The following ACBD3 variants were observed in gnomAD, a reference collection of about 807,000 sequenced individuals.
ACBD3 encodes the protein Golgi resident protein GCP60.
In ACBD3, 30 loss-of-function variants were observed where a neutral mutation model predicts 66.9. That is an observed-to-expected ratio of 0.45 (90% CI 0.34 to 0.61). ACBD3 has a LOEUF of 0.61. Among genes scored for constraint, ACBD3 ranks in the 20% least tolerant of loss-of-function variants. ACBD3 has a pLI of 0.02. For missense variants in ACBD3, 544 were observed against 664.5 expected, an observed-to-expected ratio of 0.82 and a Z score of 1.99; for synonymous variants, 278 against 259.8, an observed-to-expected ratio of 1.07 and a Z score of -0.68.
chr1:226,167,712 C>A (rs146432621), intron 1 of ACBD3, among the ~76,000 whole-genome samples: 1 of 152,120 alleles, frequency 6.6e-6, no homozygotes, highest in East Asian at 1.9e-4. Context: ...ATGTCTCATT[C>A]ATGTATATAG....
intron 1 of ACBD3, among the ~76,000 whole-genome samples, 173 bp from the exon 2 acceptor site, chr1:226,166,173 T>G (rs950842956): frequency 7.2e-5 from 11 of 152,200 alleles, no homozygotes; most frequent in Non-Finnish European, 1.6e-4. Context: ...TTTTTTATTT[T>G]TAGACAGAGT....
At chr1:226,157,078 C>A (rs1251041876) in intron 5 of ACBD3, among the ~76,000 whole-genome samples, 1 of 152,140 alleles carries the variant, frequency 6.6e-6, no homozygotes, top group Non-Finnish European at 1.5e-5. Flanking sequence ...TGTATCTACA[C>A]CCCAAAATTA....
chr1:226,155,858 A>G (rs1225268749), intron 5 of ACBD3, among the ~76,000 whole-genome samples: 1 of 152,254 alleles, frequency 6.6e-6, no homozygotes, highest in Non-Finnish European at 1.5e-5. Context: ...TTATATAGTT[A>G]TGATTGAAAT....
intron 1 of ACBD3, among the ~76,000 whole-genome samples, chr1:226,177,629 GATC>G (rs1165124054): frequency 6.6e-6 from 1 of 152,090 alleles, no homozygotes; most frequent in East Asian, 1.9e-4. Context: ...AGGGGAGTCA[GATC>G]ATCAGAGGAT....
chr1:226,146,823 T>C lies in ACBD3; in HGVS notation c.1376-2A>G, dbSNP rs1393479430. The C allele has an allele frequency of 6.2e-7, 1 of 1,613,940 alleles. No individual in the cohort carries two copies. Among genetic ancestry groups the C allele is most frequent in the Non-Finnish European group, 8.5e-7 (1 of 1,179,802 alleles). ...CTTTCTCTTCACAACCGATGTTTTC[T>C]GTAAGAACAGAGACAAGTCAATGAA... On this transcript the variant is annotated splice_acceptor_variant, in intron 7 of 7. Transcript: ENST00000366812. LOFTEE classifies it high-confidence loss of function.
At chr1:226,175,744 T>C (rs1293012147) in intron 1 of ACBD3, among the ~76,000 whole-genome samples, 1 of 152,082 alleles carries the variant, frequency 6.6e-6, no homozygotes, top group Non-Finnish European at 1.5e-5. Context: ...GGAGAAGGCC[T>C]AGGAAATGGG....
intron 1 of ACBD3, among the ~76,000 whole-genome samples, chr1:226,184,653 T>C (rs1656252905): frequency 6.6e-6 from 1 of 152,190 alleles, no homozygotes; most frequent in Admixed American, 6.5e-5. Context: ...CAGAGCTTCC[T>C]GACTCTCCAA....
intron 1 of ACBD3, among the ~76,000 whole-genome samples, chr1:226,173,446 G>A (rs1038052871): frequency 1.3e-5 from 2 of 151,370 alleles, no homozygotes; most frequent in Non-Finnish European, 2.9e-5. Context: ...TTTTAAAGTC[G>A]AAGCAATGTA....
At chr1:226,159,042 G>T in intron 5 of ACBD3, 142 bp downstream of exon 5, 2 of 878,764 alleles carry the variant, frequency 2.3e-6, no homozygotes, top group Non-Finnish European at 3.5e-6. Context: ...TCTCAAGTCT[G>T]CCTAAAAGAT....
intron 7 of ACBD3, among the ~76,000 whole-genome samples, chr1:226,148,565 T>C (rs1042749569): frequency 6.6e-6 from 1 of 152,204 alleles, no homozygotes; most frequent in African/African-American, 2.4e-5. Flanking sequence ...TTTAAATCTA[T>C]AAAACTAAAG....
rs1659838906 is a variant in ACBD3 at position 226,164,703 on chromosome 1, A to G, written c.569+86T>C. On this transcript the variant is annotated intron_variant, in intron 3 of 7. Coordinates refer to ENST00000366812, the MANE Select transcript of ACBD3 (RefSeq NM_022735.4). ...CCAAGGAAAGCAAGACACCTGATCT[A>G]GAACTAGAACAGACACTCTACAAAA... 6.5e-6 allele frequency: 9 copies of G among 1,384,364 alleles called. No individual in the cohort carries two copies. In the South Asian group the frequency reaches 1.6e-4, roughly 24 times the overall value. The allele number at this position is 1,384,364 out of a possible 1,614,324, so 85.8% of individuals were successfully genotyped here.
Position 226,186,487 on chromosome 1 carries a change from C to A in ACBD3, c.189G>T (p.Ala63=), listed in dbSNP as rs752296869. ...CCTCCTCCGCCGCGCCCCCAGCCGC[C>A]GCCTCCCCGGGCTCGGGCTGCTCCC... ...ASGEQPEPGE[A]AAGGAAEEAR... Residue 63 remains alanine, a synonymous_variant, in exon 1 of 8, where the codon GCG becomes GCT. Coordinates refer to ENST00000366812, the MANE Select transcript of ACBD3 (RefSeq NM_022735.4). 3 of 1,488,450 alleles carry A rather than the reference C, an allele frequency of 2.0e-6. No homozygotes were observed. In the African/African-American group the frequency reaches 4.4e-5, roughly 22 times the overall value. The allele number at this position is 1,488,450 out of a possible 1,614,324, so 92.2% of individuals were successfully genotyped here. A position where few individuals can be genotyped will look rare whatever the true frequency, so the allele number is the denominator to read the frequency against.
chr1:226,172,560 G>C lies in ACBD3; in HGVS notation c.287-6560C>G, dbSNP rs530696447. Among the ~76,000 whole-genome samples, 389 of 152,082 alleles carry C rather than the reference G, an allele frequency of 2.6e-3. 2 individuals carry two copies. The highest frequency in any genetic ancestry group is 6.8e-3 in the Middle Eastern group (2 of 294). ...GACTCTGAAGAAAATAAAAATAATT[G>C]CTCTATAATCCTTTCTTTAAATCTT... On this transcript the variant is annotated intron_variant, in intron 1 of 7. Transcript: ENST00000366812.
At chr1:226,157,558 G>A (rs955781778) in intron 5 of ACBD3, among the ~76,000 whole-genome samples, 4 of 150,494 alleles carry the variant, frequency 2.7e-5, no homozygotes, top group Non-Finnish European at 4.4e-5. Context: ...TTTTTTCCTC[G>A]AGACAGGGTC....
At chr1:226,149,021 G>T (rs1659510891) in intron 7 of ACBD3, among the ~76,000 whole-genome samples, 1 of 152,098 alleles carries the variant, frequency 6.6e-6, no homozygotes, top group African/African-American at 2.4e-5. Flanking sequence ...TAAGATCAAG[G>T]ATATTAAGGT....
At chr1:226,164,619 A>G (rs1231404958) in intron 3 of ACBD3, among the ~76,000 whole-genome samples, 170 bp downstream of exon 3, 1 of 152,206 alleles carries the variant, frequency 6.6e-6, no homozygotes, top group Non-Finnish European at 1.5e-5. Context: ...CCCAAAACTT[A>G]TAATACAAGT....
chr1:226,148,944 C>T (rs1349110320), intron 7 of ACBD3, among the ~76,000 whole-genome samples: 1 of 152,154 alleles, frequency 6.6e-6, no homozygotes. Context: ...AGCTGCAAAT[C>T]ATTTTATGAT....
At chr1:226,173,757 CTTTTTTTT>C (rs145462202) in intron 1 of ACBD3, among the ~76,000 whole-genome samples, 2 of 88,324 alleles carry the variant, frequency 2.3e-5, no homozygotes, top group African/African-American at 9.2e-5. Context: ...TTTTTCTTTT[CTTTTTTTT>C]TTTTTTTTTT....
At chr1:226,173,584 G>A (rs10915954) in intron 1 of ACBD3, among the ~76,000 whole-genome samples, 74,693 of 150,908 alleles carry the variant, frequency 0.49, 18,998 homozygotes, top group African/African-American at 0.62. Flanking sequence ...CTAAGCTTCA[G>A]AAAAAAAACA....
Sources: allele counts gnomAD v4.1 joint callset (sites outside exome capture counted in the v4.1 genomes callset), GRCh38; gene constraint gnomAD v4.1.1; transcripts MANE v1.5; gene names NCBI Gene and HGNC (gene_info 2026-07-23, HGNC 2026-07-21).